Variants in RNF144A observed in about 807,000 individuals in gnomAD.
The protein encoded by RNF144A is ring finger protein 144A.
In RNF144A, 11 loss-of-function variants were observed where a neutral mutation model predicts 38.7. The observed-to-expected ratio is 0.28, with a 90% CI of 0.18 to 0.47. The LOEUF is 0.47. RNF144A is among the 20% of genes least tolerant of loss of function. The pLI is 0.99. For missense variants in RNF144A, 316 were observed against 377.2 expected (o/e 0.84, Z 1.34); for synonymous variants, 149 against 143.9 (o/e 1.04, Z -0.25).
intron 1 of RNF144A, among the ~76,000 whole-genome samples, chr2:6,930,088 T>C (rs545142835): frequency 1.3e-5 from 2 of 152,384 alleles, no homozygotes; most frequent in Non-Finnish European, 2.9e-5. Context: ...CAAGAGATGA[T>C]ACTAAATGTG....
chr2:7,011,571 T>C (rs1670807164), intron 3 of RNF144A, among the ~76,000 whole-genome samples: 1 of 152,260 alleles, frequency 6.6e-6, no homozygotes, highest in Admixed American at 6.5e-5. Flanking sequence ...GCATGTTTAC[T>C]GAGCTAACAT....
At chr2:7,032,372 C>CGAATCCGCGCCCCTTGCAGCTCTGCTG in intron 8 of RNF144A, among the ~76,000 whole-genome samples, 1 of 143,432 alleles carries the variant, frequency 7.0e-6, no homozygotes, top group South Asian at 2.2e-4. Flanking sequence ...CAGCTCTGCT[C>CGAATCCGCGCCCCTTGCAGCTCTGCTG]GAATCCGCGC....
intron 2 of RNF144A, among the ~76,000 whole-genome samples, chr2:6,984,227 G>A (rs1344570456): frequency 2.0e-5 from 3 of 152,042 alleles, no homozygotes; most frequent in Non-Finnish European, 4.4e-5. Flanking sequence ...TCAAGGGTGG[G>A]AATATCTGCC....
intron 2 of RNF144A, among the ~76,000 whole-genome samples, chr2:6,965,789 C>G (rs1667632636): frequency 6.6e-6 from 1 of 151,726 alleles, no homozygotes; most frequent in Non-Finnish European, 1.5e-5. Flanking sequence ...TCTCTTTTAC[C>G]TACTAGATTG....
In RNF144A at chr2:6,941,392, T is replaced by C. The variant is rs946241320; in HGVS notation, c.-12+245T>C. ...TTGGAAAGATTTCCAGGTTTATTCATTTGCTGCTTTTAACAATCCTTGGAG... is the reference window on the plus strand; with the variant it reads ...TTGGAAAGATTTCCAGGTTTATTCACTTGCTGCTTTTAACAATCCTTGGAG... On this transcript the variant is annotated intron_variant, in intron 2 of 8. Transcript: ENST00000320892. This position sits in a 1 kb window ranked among gnomAD's most constrained non-coding sequence, Gnocchi z 6.5. Among the ~76,000 whole-genome samples, 2 of 152,272 alleles carry C rather than the reference T, an allele frequency of 1.3e-5. No individual in the cohort carries two copies. Among genetic ancestry groups the C allele is most frequent in the Non-Finnish European group, 2.9e-5 (2 of 68,052 alleles).
intron 6 of RNF144A, among the ~76,000 whole-genome samples, chr2:7,050,206 C>T (rs932619286): frequency 1.3e-5 from 2 of 152,098 alleles, no homozygotes; most frequent in African/African-American, 4.8e-5. Context: ...TCCAGGGTGG[C>T]GCCAGGTGGA....
rs758365664 is a variant in RNF144A, at chr2:7,039,638, A to G, written c.757A>G (p.Ile253Val). 64 of 1,612,014 alleles carry G rather than the reference A, an allele frequency of 4.0e-5. No homozygotes were observed. The highest frequency in any genetic ancestry group is 1.6e-4 in the Middle Eastern group (1 of 6,082). Residue 253 changes from isoleucine (I) to valine (V), a missense_variant, in exon 9 of 9, where the codon ATT (isoleucine) becomes GTT (valine). Physicochemically the swap from Ile to Val is conservative, Grantham distance 29 (BLOSUM62 3). Transcript: ENST00000320892. The stretch of plus-strand genomic sequence containing the variant: ...TGTTTCTTTCTTCCAGGTTGTGGGC[A>G]TTTTTGCAGGATTTGGGCTGCTGCT... ...VIWHRTQVVG[I>V]FAGFGLLLLV...
At chr2:7,027,212 T>C (rs1240972423) in intron 7 of RNF144A, among the ~76,000 whole-genome samples, 6 of 152,172 alleles carry the variant, frequency 3.9e-5, no homozygotes, top group Admixed American at 1.3e-4. Flanking sequence ...CTCCCCTGCT[T>C]CCCTCTCCTC....
At chr2:7,048,717 C>T (rs1472133749), downstream of RNF144A, among the ~76,000 whole-genome samples, 1 of 152,198 alleles carries the variant, frequency 6.6e-6, no homozygotes, top group Non-Finnish European at 1.5e-5. Flanking sequence ...AAACGATCAC[C>T]TTGGAAATTA....
downstream of RNF144A, among the ~76,000 whole-genome samples, chr2:7,046,902 T>C (rs992042698): frequency 6.6e-6 from 1 of 152,234 alleles, no homozygotes; most frequent in African/African-American, 2.4e-5. Context: ...CTCACTGACT[T>C]AACAGAATTC....
downstream of RNF144A, among the ~76,000 whole-genome samples, chr2:7,047,049 C>T (rs1371142924): frequency 1.3e-5 from 2 of 152,182 alleles, no homozygotes; most frequent in Non-Finnish European, 2.9e-5. Context: ...AAGGGAATAA[C>T]GTTTCAAAAG....
At chr2:6,980,240 C>T (rs1018778409) in intron 2 of RNF144A, among the ~76,000 whole-genome samples, 10 of 152,172 alleles carry the variant, frequency 6.6e-5, no homozygotes, top group African/African-American at 2.2e-4. Flanking sequence ...CATTTCAAAA[C>T]CAATCATGCT....
intron 2 of RNF144A, among the ~76,000 whole-genome samples, chr2:6,974,695 T>G (rs1417911726): frequency 6.6e-6 from 1 of 152,202 alleles, no homozygotes; most frequent in African/African-American, 2.4e-5. Flanking sequence ...TGTTTAACTC[T>G]TAGCTCTTGA....
intron 1 of RNF144A, among the ~76,000 whole-genome samples, chr2:6,933,819 C>T (rs1391282649): frequency 1.3e-5 from 2 of 152,006 alleles, no homozygotes; most frequent in Admixed American, 6.6e-5. Flanking sequence ...CATGCCAAGA[C>T]ATGAAATATT....
intron 2 of RNF144A, among the ~76,000 whole-genome samples, chr2:6,973,697 C>T (rs867709562): frequency 1.3e-5 from 2 of 152,196 alleles, no homozygotes; most frequent in Non-Finnish European, 2.9e-5. Context: ...AATGGTGATA[C>T]GGATTTTCAC....
intron 2 of RNF144A, among the ~76,000 whole-genome samples, chr2:6,979,103 A>G (rs760585787): frequency 2.6e-5 from 4 of 152,190 alleles, no homozygotes; most frequent in Non-Finnish European, 4.4e-5. Flanking sequence ...AAGTTCTAGA[A>G]TAGTGGGCGA....
intron 6 of RNF144A, among the ~76,000 whole-genome samples, chr2:7,067,980 G>A (rs1187447237): frequency 1.3e-5 from 2 of 152,140 alleles, no homozygotes; most frequent in Non-Finnish European, 2.9e-5. Flanking sequence ...CAGAATCCCT[G>A]CACCCTCACC....
intron 5 of RNF144A, among the ~76,000 whole-genome samples, chr2:7,018,884 C>T (rs980564088): frequency 1.3e-5 from 2 of 151,404 alleles, no homozygotes; most frequent in Non-Finnish European, 2.9e-5. Flanking sequence ...TTGATTAATT[C>T]ATGCTTAAAA....
At chr2:6,974,444 A>G (rs1375022568) in intron 2 of RNF144A, among the ~76,000 whole-genome samples, 1 of 152,182 alleles carries the variant, frequency 6.6e-6, no homozygotes, top group Non-Finnish European at 1.5e-5. Flanking sequence ...AGATAATAAT[A>G]CTACCTCACT....
Sources: gnomAD v4.1 joint callset for allele counts (sites outside exome capture counted in the v4.1 genomes callset) on GRCh38, gnomAD v4.1.1 for gene constraint, Gnocchi (gnomAD v3.1) non-coding constraint, MANE v1.5 for transcripts, NCBI Gene and HGNC (gene_info 2026-07-23, HGNC 2026-07-21) for gene names.